The following NAV3 variants were observed in gnomAD, a reference collection of about 807,000 sequenced individuals.
NAV3 encodes pore membrane and/or filament interacting like protein 1.
Under a neutral mutation model 244.7 loss-of-function variants are expected in NAV3, and 87 were observed. The ratio of observed to expected loss-of-function variants is 0.36; its 90% CI spans 0.30 to 0.42. The LOEUF (loss-of-function observed/expected upper bound fraction) is 0.42. NAV3 is among the 20% of genes least tolerant of loss of function. The pLI is 1.00. For synonymous variants in NAV3, 1,126 were observed against 1,042.2 expected, an observed-to-expected ratio of 1.08 and a Z score of -1.55; for missense variants, 2,663 against 2,893.3, an observed-to-expected ratio of 0.92 and a Z score of 1.83.
chr12:78,020,052 A>G (rs570977111), intron 8 of NAV3, among the ~76,000 whole-genome samples: 1 of 152,332 alleles, frequency 6.6e-6, no homozygotes, highest in Non-Finnish European at 1.5e-5. Flanking sequence ...GAGATCATTT[A>G]GAGAGACTAT....
At chr12:77,779,682 C>T (rs1252914396) in intron 2 of NAV3, among the ~76,000 whole-genome samples, 3 of 152,116 alleles carry the variant, frequency 2.0e-5, no homozygotes, top group Non-Finnish European at 4.4e-5. Context: ...CTTCAGGACA[C>T]CTTGGGCCAG....
At chr12:78,073,589 A>G (rs1952890942) in intron 12 of NAV3, among the ~76,000 whole-genome samples, 1 of 152,156 alleles carries the variant, frequency 6.6e-6, no homozygotes, top group Non-Finnish European at 1.5e-5. Flanking sequence ...GGAAGAATCA[A>G]TATCGTGAAA....
At chr12:78,152,251 T>A (rs956344657) in intron 22 of NAV3, among the ~76,000 whole-genome samples, 2 of 150,898 alleles carry the variant, frequency 1.3e-5, no homozygotes, top group Admixed American at 6.6e-5. Context: ...AACATCTACT[T>A]TTAAAAAAAA....
chr12:78,122,908 TAAAAA>T (rs61235295), intron 16 of NAV3, among the ~76,000 whole-genome samples: 17 of 144,324 alleles, frequency 1.2e-4, no homozygotes, highest in African/African-American at 2.8e-4. Context: ...TTGGCCTGGT[TAAAAA>T]AAAAAAAAAA....
intron 2 of NAV3, among the ~76,000 whole-genome samples, chr12:77,686,806 A>T (rs1365328164): frequency 6.6e-6 from 1 of 152,166 alleles, no homozygotes; most frequent in Middle Eastern, 3.4e-3. Flanking sequence ...CTCTATTTTA[A>T]CACCTTTCCA....
chr12:77,975,692 T>C (rs1868319317), intron 5 of NAV3, among the ~76,000 whole-genome samples: 1 of 152,130 alleles, frequency 6.6e-6, no homozygotes, highest in African/African-American at 2.4e-5. Flanking sequence ...TTGCGCTGGA[T>C]CAGAGGGAAA....
chr12:77,820,157 C>G (rs915709892), intron 2 of NAV3, among the ~76,000 whole-genome samples: 15 of 151,832 alleles, frequency 9.9e-5, no homozygotes, highest in African/African-American at 3.6e-4. Context: ...GAAAGGAAAA[C>G]TTTGAAGGGT....
At chr12:77,734,186 G>A (rs991738999) in intron 2 of NAV3, among the ~76,000 whole-genome samples, 2 of 151,960 alleles carry the variant, frequency 1.3e-5, no homozygotes, top group South Asian at 4.1e-4. Flanking sequence ...GTATAGGTTG[G>A]TGCCGAAAAT....
chr12:77,867,533 C>T (rs1455503352), intron 1 of NAV3, among the ~76,000 whole-genome samples: 1 of 152,110 alleles, frequency 6.6e-6, no homozygotes, highest in Non-Finnish European at 1.5e-5. Flanking sequence ...CATTCTCCTG[C>T]CTCAGCCTCC....
At chr12:78,178,209 G>A (rs1024439958) in intron 28 of NAV3, among the ~76,000 whole-genome samples, 3 of 145,838 alleles carry the variant, frequency 2.1e-5, no homozygotes, top group South Asian at 4.3e-4. Context: ...ACCCAAGCTC[G>A]AGTGCGATGT....
chr12:77,946,997 T>A (rs1890410961), intron 3 of NAV3, among the ~76,000 whole-genome samples: 1 of 152,126 alleles, frequency 6.6e-6, no homozygotes, highest in Non-Finnish European at 1.5e-5. Context: ...AGCTTGTCCT[T>A]CCTCTTTCTT....
chr12:77,977,712 G>GCGCGCACACA (rs1349366739), intron 5 of NAV3, among the ~76,000 whole-genome samples: 1 of 143,000 alleles, frequency 7.0e-6, no homozygotes, highest in Non-Finnish European at 1.6e-5. Flanking sequence ...ACACACACGC[G>GCGCGCACACA]CACACACACA....
chr12:77,946,262 C>A (rs1011282987), intron 3 of NAV3, among the ~76,000 whole-genome samples: 1 of 135,906 alleles, frequency 7.4e-6, no homozygotes, highest in African/African-American at 2.6e-5. Flanking sequence ...TGTGTGTGCG[C>A]GTGCACCTTA....
Position 78,204,792 on chromosome 12 carries a change from C to A in NAV3, c.6835-143C>A, listed in dbSNP as rs371932661. 1.5e-5 allele frequency: 10 copies of A among 682,474 alleles called. No homozygotes were observed. In the East Asian group the frequency reaches 2.2e-4, roughly 15 times the overall value. The allele number at this position is 682,474 out of a possible 1,614,324, so 42.3% of individuals were successfully genotyped here. A position where few individuals can be genotyped will look rare whatever the true frequency, so the allele number is the denominator to read the frequency against. ...TAGACAGATACATGTTTTAAATCTG[C>A]AAAACTGTATACAGATACTTAATTC... On this transcript the variant is annotated intron_variant, in intron 38 of 39. Transcript: ENST00000397909.
chr12:77,694,025 C>G (rs1370962451), intron 2 of NAV3, among the ~76,000 whole-genome samples: 1 of 152,084 alleles, frequency 6.6e-6, no homozygotes, highest in Non-Finnish European at 1.5e-5. Context: ...TACAGTAATG[C>G]AATCCCCTAT....
At chr12:77,820,264 TGTTATAACA>T (rs1872684227) in intron 2 of NAV3, among the ~76,000 whole-genome samples, 1 of 152,196 alleles carries the variant, frequency 6.6e-6, no homozygotes, top group Non-Finnish European at 1.5e-5. Flanking sequence ...CCATTAGTGC[TGTTATAACA>T]GAGTACCACA....
intron 8 of NAV3, among the ~76,000 whole-genome samples, chr12:78,018,354 G>A (rs1876585308): frequency 6.6e-6 from 1 of 152,156 alleles, no homozygotes; most frequent in Non-Finnish European, 1.5e-5. Flanking sequence ...ATGGAATTAA[G>A]TCTTACATAT....
At chr12:78,196,197 G>C (rs887899595) in intron 34 of NAV3, among the ~76,000 whole-genome samples, 1 of 152,030 alleles carries the variant, frequency 6.6e-6, no homozygotes, top group African/African-American at 2.4e-5. Flanking sequence ...ACTTAGGCAA[G>C]ATTTATTTTA....
At chr12:78,190,314 A>T in intron 34 of NAV3, 95 bp downstream of exon 34, 1 of 959,202 alleles carries the variant, frequency 1.0e-6, no homozygotes, top group Non-Finnish European at 1.6e-6. Flanking sequence ...CATGTTGTAC[A>T]TGGAAAAGAA....
Sources: allele counts gnomAD v4.1 joint callset (sites outside exome capture counted in the v4.1 genomes callset), GRCh38; gene constraint gnomAD v4.1.1; transcripts MANE v1.5; gene names NCBI Gene and HGNC (gene_info 2026-07-23, HGNC 2026-07-21).